TMEM117: variants seen among roughly 807,000 people sequenced by gnomAD.
TMEM117 encodes transmembrane protein 117.
TMEM117 carries 27 observed loss-of-function variants against 52.4 expected under a neutral mutation model. That is an observed-to-expected ratio of 0.51 (90% CI 0.38 to 0.71). The LOEUF is 0.71. Ranked by LOEUF, TMEM117 falls within the 30% of genes least tolerant of loss-of-function variation. The probability of loss-of-function intolerance (pLI) is 0.00; values close to 1 mark genes in which losing one functional copy is unlikely to be tolerated. For missense variants in TMEM117, 556 were observed against 630.5 expected, an observed-to-expected ratio of 0.88 and a Z score of 1.26; for synonymous variants, 215 against 206.3, an observed-to-expected ratio of 1.04 and a Z score of -0.36.
At chr12:44,326,633 C>A (rs144505495) in intron 6 of TMEM117, among the ~76,000 whole-genome samples, 2 of 152,294 alleles carry the variant, frequency 1.3e-5, no homozygotes, top group East Asian at 3.9e-4. Context: ...GGCATCAAAT[C>A]CATCTTCCAC....
At chr12:43,857,193 C>T (rs1366084877) in intron 2 of TMEM117, among the ~76,000 whole-genome samples, 1 of 152,160 alleles carries the variant, frequency 6.6e-6, no homozygotes, top group Non-Finnish European at 1.5e-5. Flanking sequence ...TCTGGCTGCT[C>T]TAGTTCCCCT....
intron 4 of TMEM117, among the ~76,000 whole-genome samples, chr12:44,197,428 G>A (rs1472894947): frequency 6.6e-6 from 1 of 152,056 alleles, no homozygotes; most frequent in Admixed American, 6.5e-5. Context: ...ATTCTTTCAG[G>A]CAAAAATAAA....
At chr12:43,861,010 C>A (rs909650766) in intron 2 of TMEM117, among the ~76,000 whole-genome samples, 2 of 152,102 alleles carry the variant, frequency 1.3e-5, no homozygotes, top group Admixed American at 1.3e-4. Context: ...CCTCACCTCC[C>A]TCCCTCCAGT....
At chr12:44,217,367 C>A (rs1333208298) in intron 5 of TMEM117, among the ~76,000 whole-genome samples, 2 of 152,180 alleles carry the variant, frequency 1.3e-5, no homozygotes, top group African/African-American at 4.8e-5. Context: ...CATTGATGAG[C>A]AGTCTCTTTC....
chr12:44,143,798 A>G (rs1948603768), intron 4 of TMEM117, among the ~76,000 whole-genome samples, 174 bp downstream of exon 4: 1 of 152,044 alleles, frequency 6.6e-6, no homozygotes, highest in African/African-American at 2.4e-5. Flanking sequence ...TGGACCTCAG[A>G]AAAAAAATCA....
chr12:44,045,326 A>T (rs997288499), intron 3 of TMEM117, among the ~76,000 whole-genome samples: 1 of 152,224 alleles, frequency 6.6e-6, no homozygotes, highest in Non-Finnish European at 1.5e-5. Flanking sequence ...CTTCGGGGTG[A>T]TCAGCCAGCT....
intron 4 of TMEM117, among the ~76,000 whole-genome samples, chr12:44,206,099 A>AAATTT (rs1184087526): frequency 5.9e-5 from 9 of 152,254 alleles, no homozygotes; most frequent in Non-Finnish European, 8.8e-5. Context: ...TATTTCTTTT[A>AAATTT]ATTTTATTTT....
At chr12:44,051,959 T>C (rs12833687) in intron 3 of TMEM117, among the ~76,000 whole-genome samples, 2 of 152,182 alleles carry the variant, frequency 1.3e-5, no homozygotes, top group Admixed American at 1.3e-4. Context: ...GTCAGTAAGG[T>C]CTGGGTTCAT....
At position 44,389,545 on chromosome 12, in the gene TMEM117, C is replaced by T. The variant is rs1234575140; in HGVS notation, c.*873C>T. 6.6e-6 allele frequency: 1 copy of T among 152,504 alleles called. No individual in the cohort carries two copies. The highest frequency in any genetic ancestry group is 6.6e-5 in the Admixed American group (1 of 15,230). The allele number at this position is 152,504 out of a possible 1,614,324, so 9.4% of individuals were successfully genotyped here. ...CCCACCATTTACAATATTCGTATAT[C>T]TTTCTGCAAATATGGCTCTGGATAG... On this transcript the variant is annotated 3_prime_UTR_variant, in exon 8 of 8. Transcript: ENST00000266534.
chr12:43,973,153 G>C (rs185132456), intron 3 of TMEM117, among the ~76,000 whole-genome samples: 1 of 152,102 alleles, frequency 6.6e-6, no homozygotes, highest in Admixed American at 6.5e-5. Flanking sequence ...GAAGAAAAAA[G>C]GTTTTTTTCT....
intron 3 of TMEM117, among the ~76,000 whole-genome samples, chr12:43,961,361 T>C (rs1945400030): frequency 2.6e-5 from 4 of 152,082 alleles, no homozygotes; most frequent in Non-Finnish European, 4.4e-5. Flanking sequence ...ATTGTAATAG[T>C]TATTATTAAT....
chr12:43,804,698 A>C, the TMEM117 span: 1 of 570,042 alleles, frequency 1.8e-6, no homozygotes. Flanking sequence ...TATTATCAGT[A>C]TTATAAAACT....
intron 5 of TMEM117, among the ~76,000 whole-genome samples, chr12:44,218,588 C>T (rs1216986015): frequency 6.6e-6 from 1 of 152,176 alleles, no homozygotes; most frequent in Non-Finnish European, 1.5e-5. Flanking sequence ...CTCACTCTCC[C>T]CCACTTCTTT....
chr12:43,933,042 G>A (rs1228830716), intron 2 of TMEM117, among the ~76,000 whole-genome samples: 1 of 151,998 alleles, frequency 6.6e-6, no homozygotes, highest in African/African-American at 2.4e-5. Context: ...AGCCTTCAGG[G>A]GACTATTCTT....
intron 3 of TMEM117, among the ~76,000 whole-genome samples, chr12:44,116,191 CTTA>C (rs1217804191): frequency 1.3e-5 from 2 of 152,226 alleles, no homozygotes; most frequent in Admixed American, 6.5e-5. Context: ...TCTTGAATTT[CTTA>C]TTATATTCTG....
chr12:44,356,278 C>T (rs1462417446), intron 6 of TMEM117, among the ~76,000 whole-genome samples: 6 of 152,064 alleles, frequency 3.9e-5, no homozygotes, highest in Admixed American at 2.6e-4. Context: ...TTGCAAACTG[C>T]AAAACTAAGC....
intron 6 of TMEM117, among the ~76,000 whole-genome samples, chr12:44,328,888 G>A (rs570935849): frequency 1.3e-5 from 2 of 152,064 alleles, no homozygotes; most frequent in African/African-American, 4.8e-5. Flanking sequence ...GTGCTTTAAA[G>A]GTTTAGGGAC....
chr12:43,806,105 G>T, the TMEM117 span: 1 of 1,522,544 alleles, frequency 6.6e-7, no homozygotes, highest in African/African-American at 1.4e-5. Context: ...CTCGCCCCGC[G>T]AGACCGACTT....
At chr12:44,144,835 T>C (rs1329578801) in intron 4 of TMEM117, among the ~76,000 whole-genome samples, 2 of 152,218 alleles carry the variant, frequency 1.3e-5, no homozygotes, top group Non-Finnish European at 1.5e-5. Context: ...AAACTAGACA[T>C]TGAGAACAGG....
Sources: gnomAD v4.1 joint callset for allele counts (sites outside exome capture counted in the v4.1 genomes callset) on GRCh38, gnomAD v4.1.1 for gene constraint, MANE v1.5 for transcripts, NCBI Gene and HGNC (gene_info 2026-07-23, HGNC 2026-07-21) for gene names.